Variants in MYO9A observed in about 807,000 individuals in gnomAD.
MYO9A encodes unconventional myosin-IXa.
MYO9A carries 103 observed loss-of-function variants against 293.3 expected under a neutral mutation model. The observed-to-expected ratio is 0.35, with a 90% CI of 0.30 to 0.41. The LOEUF is 0.41. Ranked by LOEUF, MYO9A falls within the 10% of genes least tolerant of loss-of-function variation. MYO9A has a pLI of 1.00. For synonymous variants in MYO9A, 1,001 were observed against 1,035.7 expected (o/e 0.97, Z 0.64); for missense variants, 2,685 against 3,033.0 (o/e 0.89, Z 2.69).
intron 39 of MYO9A, among the ~76,000 whole-genome samples, chr15:71,846,307 T>C (rs112350696): frequency 6.6e-6 from 1 of 152,244 alleles, no homozygotes; most frequent in African/African-American, 2.4e-5. Flanking sequence ...CAAGATATCA[T>C]ACAGAATTCT....
chr15:71,928,354 A>G (rs2058384646), intron 18 of MYO9A, among the ~76,000 whole-genome samples: 1 of 151,600 alleles, frequency 6.6e-6, no homozygotes, highest in Admixed American at 6.6e-5. Context: ...TGTCTAATAT[A>G]TTTTTAAATC....
chr15:71,889,892 A>G lies in MYO9A; in HGVS notation c.5143-1776T>C, dbSNP rs535644912. On this transcript the variant is annotated intron_variant, in intron 26 of 41. Transcript: ENST00000356056. ...GTCCTGACTTTTTTTAGAGAAATAA[A>G]ATACACATATAAATACTAAGTGTAT... The G allele has an allele frequency of 1.7e-4, 26 of 152,280 alleles. No individual in the cohort carries two copies. The South Asian group carries it at 5.4e-3, about 32-fold the overall frequency. 9.4% of individuals were successfully genotyped at this position (152,280 alleles called of 1,614,324 possible).
At position 71,823,458 on chromosome 15, in the gene MYO9A, C is replaced by A. The variant is rs2054350372; in HGVS notation, c.*3122G>T. The A allele has an allele frequency of 6.6e-6, 1 of 152,198 alleles. No homozygotes were observed. The highest frequency in any genetic ancestry group is 2.4e-5 in the African/African-American group (1 of 41,450). 9.4% of individuals were successfully genotyped at this position (152,198 alleles called of 1,614,324 possible). A position where few individuals can be genotyped will look rare whatever the true frequency, so the allele number is the denominator to read the frequency against. ...AGTATTCCATCCCAGGACCTCTGGC[C>A]CTTTTGTCTCTCTCTGCAAGGCTCA... On this transcript the variant is annotated 3_prime_UTR_variant, in exon 42 of 42. Coordinates refer to ENST00000356056, the MANE Select transcript of MYO9A (RefSeq NM_006901.4).
chr15:71,934,786 C>CTTTTTTTTTTTTTTTTTTT (rs1167613386), intron 17 of MYO9A, among the ~76,000 whole-genome samples: 1 of 61,788 alleles, frequency 1.6e-5, no homozygotes, highest in Non-Finnish European at 2.8e-5. Flanking sequence ...CTTTTCTTTT[C>CTTTTTTTTTTTTTTTTTTT]TTTTTTTTTT....
intron 19 of MYO9A, among the ~76,000 whole-genome samples, chr15:71,912,374 G>A (rs757361784): frequency 6.6e-6 from 1 of 151,734 alleles, no homozygotes; most frequent in Non-Finnish European, 1.5e-5. Context: ...TCCTGCCTCA[G>A]CCTCCCAAGT....
Position 72,094,980 on chromosome 15 carries a change from ACT to A in MYO9A, c.-72+22698_-72+22699del, listed in dbSNP as rs1193986414. Among the ~76,000 whole-genome samples the A allele has an allele frequency of 4.4e-5, 4 of 90,178 alleles. 2 individuals are homozygous for A. The highest frequency in any genetic ancestry group is 1.3e-4 in the Non-Finnish European group (4 of 29,686). 59.2% of individuals were successfully genotyped at this position (90,178 alleles called of 152,430 possible). A position where few individuals can be genotyped will look rare whatever the true frequency, so the allele number is the denominator to read the frequency against. ...TGCTCCATCGACCAGCTGTTCCCTG[ACT>A]CTTTCTTCTCGTTGGGCCTCACTAT... On this transcript the variant is annotated intron_variant, in intron 1 of 41. Coordinates refer to ENST00000356056, the MANE Select transcript of MYO9A (RefSeq NM_006901.4).
At chr15:71,977,103 T>C (rs1359879273) in intron 12 of MYO9A, among the ~76,000 whole-genome samples, 1 of 152,250 alleles carries the variant, frequency 6.6e-6, no homozygotes, top group Non-Finnish European at 1.5e-5. Context: ...TAAAGCATTA[T>C]TTCTGAAGCA....
In MYO9A at chr15:71,863,909, A is replaced by G. The variant is rs28416103; in HGVS notation, c.5980-1298T>C. Among the ~76,000 whole-genome samples, 859 of 152,322 alleles carry G rather than the reference A, an allele frequency of 5.6e-3. 12 individuals are homozygous for G. The highest frequency in any genetic ancestry group is 0.02 in the African/African-American group (813 of 41,564). On this transcript the variant is annotated intron_variant, in intron 32 of 41. Coordinates refer to ENST00000356056, the MANE Select transcript of MYO9A (RefSeq NM_006901.4). ...CCAAAACTTTACATATGGTAACTTA[A>G]AAGTTAAGTAAAATACCATAACCAA...
At position 71,823,165 on chromosome 15, in the gene MYO9A, C is replaced by G. The variant is rs976009497; in HGVS notation, c.*3415G>C. On this transcript the variant is annotated 3_prime_UTR_variant, in exon 42 of 42. Transcript: ENST00000356056. Reference sequence around the variant, plus strand: ...TGTATGTTTCTTTTTAAAATGAAAACTCTCTTAGCTTTGAACACATCCTGA... The same window carrying G: ...TGTATGTTTCTTTTTAAAATGAAAAGTCTCTTAGCTTTGAACACATCCTGA... 4 of 151,924 alleles carry G rather than the reference C, an allele frequency of 2.6e-5. No homozygotes were observed. Among genetic ancestry groups the G allele is most frequent in the African/African-American group, 9.7e-5 (4 of 41,346 alleles). The allele number at this position is 151,924 out of a possible 1,614,324, so 9.4% of individuals were successfully genotyped here. A position where few individuals can be genotyped will look rare whatever the true frequency, so the allele number is the denominator to read the frequency against.
At chr15:71,991,297 A>G in intron 10 of MYO9A, 60 bp from the exon 11 acceptor site, 1 of 1,362,974 alleles carries the variant, frequency 7.3e-7, no homozygotes, top group Non-Finnish European at 1.0e-6. Flanking sequence ...AATGAATAAT[A>G]TCCACAACAT....
chr15:71,897,665 T>G lies in MYO9A; in HGVS notation c.4838A>C (p.Gln1613Pro). Residue 1613 changes from glutamine (Q) to proline (P), a missense_variant, in exon 25 of 42, where the codon CAA becomes CCA. Coordinates refer to ENST00000356056, the MANE Select transcript of MYO9A (RefSeq NM_006901.4). ...VFFERKGSPCQSSTVKELSKT... is the reference protein window; with the variant it reads ...VFFERKGSPCPSSTVKELSKT... ...GGATAATTCCTTGACAGTACTAGAT[T>G]GGCATGGACTTCCTTTTCTTTCAAA... is the stretch of plus-strand genomic sequence containing the variant. 6.2e-7 allele frequency: 1 copy of G among 1,614,186 alleles called. No individual in the cohort carries two copies.
At chr15:72,091,140 A>G (rs1283977509) in intron 1 of MYO9A, among the ~76,000 whole-genome samples, 2 of 152,002 alleles carry the variant, frequency 1.3e-5, no homozygotes, top group Admixed American at 1.3e-4. Flanking sequence ...TCAAGGCTGC[A>G]GTAAGCTATG....
At chr15:71,901,501 G>A (rs2057483087) in intron 22 of MYO9A, among the ~76,000 whole-genome samples, 161 bp from the exon 23 acceptor site, 1 of 152,178 alleles carries the variant, frequency 6.6e-6, no homozygotes, top group African/African-American at 2.4e-5. Flanking sequence ...ATCCAAAGTA[G>A]TCATTCTCAA....
intron 2 of MYO9A, chr15:72,041,224 C>A: frequency 1.4e-6 from 2 of 1,385,720 alleles, no homozygotes; most frequent in Admixed American, 1.7e-5. Flanking sequence ...GCATATTCTT[C>A]ACTCATTGCA....
intron 1 of MYO9A, among the ~76,000 whole-genome samples, chr15:72,092,150 A>G (rs1202695868): frequency 6.6e-6 from 1 of 152,250 alleles, no homozygotes. Flanking sequence ...AGCCAAACTC[A>G]GGCTTTGGTT....
chr15:72,022,573 A>G (rs1263115891), intron 4 of MYO9A, among the ~76,000 whole-genome samples: 51 of 151,950 alleles, frequency 3.4e-4, no homozygotes, highest in Admixed American at 3.3e-3. Context: ...TTGTTTTGAG[A>G]CAGGATAGCT....
intron 8 of MYO9A, among the ~76,000 whole-genome samples, chr15:72,002,782 C>G (rs750743805): frequency 1.4e-4 from 22 of 152,140 alleles, no homozygotes; most frequent in Non-Finnish European, 2.5e-4. Context: ...CAAGGGTACA[C>G]AGTGGGCTTC....
At chr15:71,911,574 G>A (rs993666059) in intron 19 of MYO9A, among the ~76,000 whole-genome samples, 1 of 152,128 alleles carries the variant, frequency 6.6e-6, no homozygotes, top group African/African-American at 2.4e-5. Context: ...GTAAGTTTTA[G>A]TAGCTACAAC....
intron 12 of MYO9A, among the ~76,000 whole-genome samples, chr15:71,971,301 C>T (rs1202921555): frequency 2.0e-5 from 3 of 151,858 alleles, no homozygotes; most frequent in Non-Finnish European, 4.4e-5. Context: ...AATGACAGGA[C>T]AGGACAGGCA....
Sources: allele counts gnomAD v4.1 joint callset (sites outside exome capture counted in the v4.1 genomes callset), GRCh38; gene constraint gnomAD v4.1.1; transcripts MANE v1.5; gene names NCBI Gene and HGNC (gene_info 2026-07-23, HGNC 2026-07-21).